LPA: variants seen among roughly 807,000 people sequenced by gnomAD.
LPA encodes apolipoprotein(a).
A neutral mutation model predicts 197.9 loss-of-function variants in LPA; 199 were observed. That is an observed-to-expected ratio of 1.01 (90% CI 0.90 to 1.13). LPA has a LOEUF of 1.13. Among genes scored for constraint, LPA ranks in the 50% most tolerant of loss-of-function variants. The probability of loss-of-function intolerance (pLI) is 0.00; values close to 1 mark genes in which losing one functional copy is unlikely to be tolerated. For missense variants in LPA, 1,853 were observed against 1,785.8 expected (o/e 1.04, Z -0.68); for synonymous variants, 715 against 639.5 (o/e 1.12, Z -1.78).
chr6:160,582,647 T>C (rs1381641203), intron 26 of LPA, among the ~76,000 whole-genome samples: 1 of 152,140 alleles, frequency 6.6e-6, no homozygotes, highest in African/African-American at 2.4e-5. Context: ...AATTTAATTA[T>C]GATGTGTCCA....
chr6:160,550,010 C>T (rs1167260325), intron 30 of LPA, among the ~76,000 whole-genome samples: 1 of 152,216 alleles, frequency 6.6e-6, no homozygotes, highest in Non-Finnish European at 1.5e-5. Flanking sequence ...ATCACGAGGT[C>T]AACAGAGCGA....
At chr6:160,568,255 C>G (rs1778498891) in intron 28 of LPA, among the ~76,000 whole-genome samples, 1 of 152,180 alleles carries the variant, frequency 6.6e-6, no homozygotes, top group African/African-American at 2.4e-5. Context: ...TACTGGCAAA[C>G]CGAATCCAGC....
Position 160,601,054 on chromosome 6 carries a change from G to T in LPA, c.2990C>A (p.Ala997Asp). The T allele has an allele frequency of 6.2e-7, 1 of 1,614,040 alleles. No homozygotes were observed. ...NYCRNPDPVA[A>D]PWCYTTDPSV... ...GGGATCTGTTGTATAACACCAAGGGGCTGCCACAGGATCTGGATTTCGGCA... is the reference window on the plus strand; with the variant it reads ...GGGATCTGTTGTATAACACCAAGGGTCTGCCACAGGATCTGGATTTCGGCA... Residue 997 changes from alanine to aspartate, a missense_variant, in exon 19 of 39, where the codon GCC (alanine) becomes GAC (aspartate). Ala to Asp is a moderately radical substitution (Grantham distance 126, BLOSUM62 -2). Transcript: ENST00000316300.
intron 16 of LPA, among the ~76,000 whole-genome samples, chr6:160,611,056 C>T (rs1353518773): frequency 2.6e-5 from 4 of 152,056 alleles, no homozygotes; most frequent in Non-Finnish European, 4.4e-5. Context: ...AACCTCTATC[C>T]TTTCAGGCCA....
intron 24 of LPA, 79 bp downstream of exon 24, chr6:160,589,474 A>G: frequency 6.5e-7 from 1 of 1,546,382 alleles, no homozygotes; most frequent in Non-Finnish European, 8.9e-7. Flanking sequence ...GGTCATAAGA[A>G]GTTAGCTGGA....
chr6:160,553,972 CGT>C (rs752436691), intron 30 of LPA, among the ~76,000 whole-genome samples: 2 of 108,164 alleles, frequency 1.8e-5, no homozygotes, highest in African/African-American at 2.8e-5. Flanking sequence ...CGCGCGTGTG[CGT>C]GTGTGTGTGT....
chr6:160,606,403 T>C, intron 17 of LPA, 74 bp downstream of exon 17: 1 of 1,566,228 alleles, frequency 6.4e-7, no homozygotes. Context: ...TGGAGGCTGC[T>C]GCATCAGTGG....
intron 4 of LPA, among the ~76,000 whole-genome samples, chr6:160,641,440 T>C: frequency 5.8e-5 from 1 of 17,246 alleles, no homozygotes; most frequent in East Asian, 1.2e-3. Flanking sequence ...ATAGTATTAC[T>C]GTCTGTCAGG....
chr6:160,656,526 G>T (rs1344072380), intron 1 of LPA, among the ~76,000 whole-genome samples: 4 of 152,144 alleles, frequency 2.6e-5, no homozygotes, highest in Non-Finnish European at 5.9e-5. Flanking sequence ...ACTTTAACTG[G>T]GGAACCACAA....
intron 32 of LPA, among the ~76,000 whole-genome samples, chr6:160,546,925 T>C (rs1359276809): frequency 6.6e-6 from 1 of 152,076 alleles, no homozygotes; most frequent in Non-Finnish European, 1.5e-5. Context: ...TGATGGCCCA[T>C]CCAAATCTTT....
rs143073837 is a variant in LPA at position 160,580,106 on chromosome 6, T to C, written c.4290-1402A>G. ...CTTTCACCATAAATTGTGTTTTCTA[T>C]AAACTCACATGAATGGACTCATACA... On this transcript the variant is annotated intron_variant, in intron 26 of 38. Transcript: ENST00000316300. Among the ~76,000 whole-genome samples, 1,145 of 152,318 alleles carry C rather than the reference T, an allele frequency of 7.5e-3. 12 individuals are homozygous for C. Among genetic ancestry groups the C allele is most frequent in the Middle Eastern group, 0.051 (15 of 294 alleles).
chr6:160,549,358 G>C (rs1020021820), intron 30 of LPA, among the ~76,000 whole-genome samples: 1 of 152,192 alleles, frequency 6.6e-6, no homozygotes, highest in African/African-American at 2.4e-5. Context: ...CTTCTGCCAA[G>C]CACATACCCC....
At chr6:160,596,146 T>C (rs1335789800) in intron 20 of LPA, among the ~76,000 whole-genome samples, 1 of 152,212 alleles carries the variant, frequency 6.6e-6, no homozygotes, top group Non-Finnish European at 1.5e-5. Context: ...AAATCTTCTT[T>C]TCAGCTTTCA....
intron 27 of LPA, among the ~76,000 whole-genome samples, 180 bp downstream of exon 27, chr6:160,578,343 G>A (rs1028250420): frequency 6.6e-6 from 1 of 151,994 alleles, no homozygotes; most frequent in African/African-American, 2.4e-5. Flanking sequence ...TAAAGACACT[G>A]CCTCCTCACA....
Position 160,542,705 on chromosome 6 carries a change from T to C in LPA, c.5502A>G (p.Gln1834=). ...CVAHPHSWPW[Q]VSLRTRFGKH... The stretch of plus-strand genomic sequence containing the variant: ...GTTCTTACCTTGTTCTGAGACTGAC[T>C]TGCCAGGGCCAGGAATGTGGGTGGG... Residue 1834 remains glutamine (Q), a synonymous_variant, in exon 34 of 39, where the codon CAA becomes CAG. Coordinates refer to ENST00000316300, the MANE Select transcript of LPA (RefSeq NM_005577.4). 6.2e-7 allele frequency: 1 copy of C among 1,613,814 alleles called. No individual in the cohort carries two copies.
In LPA at chr6:160,601,030, G is replaced by C; in HGVS notation, c.3014C>G (p.Pro1005Arg). Residue 1005 changes from proline to arginine, a missense_variant, in exon 19 of 39, where the codon CCC becomes CGC. Pro to Arg is a moderately radical substitution (Grantham distance 103, BLOSUM62 -2). This residue lies in a region of LPA where 1,737 missense variants were observed against 1,504.4 expected (regional missense o/e 1.15). Transcript: ENST00000316300. ...VAAPWCYTTDPSVRWEYCNLT... is the reference protein window; with the variant it reads ...VAAPWCYTTDRSVRWEYCNLT... ...GTTGCAGTACTCCCACCTGACACTG[G>C]GATCTGTTGTATAACACCAAGGGGC... is the stretch of plus-strand genomic sequence containing the variant. 1.2e-6 allele frequency: 2 copies of C among 1,614,032 alleles called. No homozygotes were observed. The highest frequency in any genetic ancestry group is 1.7e-6 in the Non-Finnish European group (2 of 1,179,966).
rs200376184 is a variant in LPA at position 160,590,967 on chromosome 6, G to A, written c.3764C>T (p.Thr1255Met). 135 of 1,613,850 alleles carry A rather than the reference G, an allele frequency of 8.4e-5. No individual in the cohort carries two copies. The highest frequency in any genetic ancestry group is 1.6e-4 in the Middle Eastern group (1 of 6,082). ...ACCTTGTTCAGAAACAGCCGTGGAC[G>A]TCGCAAGGACACTTGATTCTGTCAC... Reference protein sequence around the residue: ...CPVTESSVLATSTAVSEQAPT... With the variant: ...CPVTESSVLAMSTAVSEQAPT... The change falls in exon 23 of 39, where the codon ACG (threonine) becomes ATG (methionine). Residue 1255 changes from threonine to methionine, a missense_variant. Coordinates refer to ENST00000316300, the MANE Select transcript of LPA (RefSeq NM_005577.4).
chr6:160,587,823 C>T lies in LPA; in HGVS notation c.3948-1193G>A, dbSNP rs1057416461. Among the ~76,000 whole-genome samples, 3 of 144,398 alleles carry T rather than the reference C, an allele frequency of 2.1e-5. 1 individual carries two copies. The South Asian group carries it at 6.6e-4, about 32-fold the overall frequency. The allele number at this position is 144,398 out of a possible 152,430, so 94.7% of individuals were successfully genotyped here. On this transcript the variant is annotated intron_variant, in intron 24 of 38. Transcript: ENST00000316300. The stretch of plus-strand genomic sequence containing the variant: ...TGTTTCTGTCTGTTGGTCTGTCTGT[C>T]TGTCCTGTGATTTGTGTAGCTCCTA...
At chr6:160,596,536 G>T (rs115542836) in intron 20 of LPA, among the ~76,000 whole-genome samples, 1 of 152,086 alleles carries the variant, frequency 6.6e-6, no homozygotes, top group Non-Finnish European at 1.5e-5. Flanking sequence ...CCAACACTGA[G>T]AATTTTTTTA....
Sources: gnomAD v4.1 joint callset for allele counts (sites outside exome capture counted in the v4.1 genomes callset) on GRCh38, gnomAD v4.1.1 for gene constraint, gnomAD v4.1.1 regional missense constraint, MANE v1.5 for transcripts, NCBI Gene and HGNC (gene_info 2026-07-23, HGNC 2026-07-21) for gene names.